The following PTBP2 variants were observed in gnomAD, a reference collection of about 807,000 sequenced individuals.
PTBP2 encodes the protein polypyrimidine tract-binding protein 2.
A neutral mutation model predicts 61.4 loss-of-function variants in PTBP2; 13 were observed. The observed-to-expected ratio is 0.21, with a 90% CI of 0.14 to 0.34. The LOEUF (loss-of-function observed/expected upper bound fraction) is 0.34, where lower values mean the gene tolerates loss of function less well. PTBP2 is among the 10% of genes least tolerant of loss of function. The probability of loss-of-function intolerance (pLI) is 1.00; values close to 1 mark genes in which losing one functional copy is unlikely to be tolerated. For missense variants in PTBP2, 405 were observed against 642.6 expected (o/e 0.63, Z 4.00); for synonymous variants, 215 against 218.5 (o/e 0.98, Z 0.14).
At chr1:96,775,230 G>T (rs962489217) in intron 5 of PTBP2, among the ~76,000 whole-genome samples, 1 of 152,096 alleles carries the variant, frequency 6.6e-6, no homozygotes, top group Non-Finnish European at 1.5e-5. Flanking sequence ...TTGAAAACTC[G>T]AAATATCTAC....
chr1:96,765,150 A>G (rs1192150051), intron 3 of PTBP2, among the ~76,000 whole-genome samples: 1 of 151,304 alleles, frequency 6.6e-6, no homozygotes, highest in Non-Finnish European at 1.5e-5. Context: ...TTGTTTTTCT[A>G]AAGCTAGAAA....
At chr1:96,773,113 G>A (rs575020276) in intron 5 of PTBP2, among the ~76,000 whole-genome samples, 4 of 117,330 alleles carry the variant, frequency 3.4e-5, no homozygotes, top group Non-Finnish European at 6.6e-5. Flanking sequence ...GACAGAGCGA[G>A]ACTCTATCTC....
intron 8 of PTBP2, among the ~76,000 whole-genome samples, chr1:96,791,557 T>C (rs1659793107): frequency 6.6e-6 from 1 of 152,148 alleles, no homozygotes; most frequent in Admixed American, 6.5e-5. Context: ...GGCCATTAAG[T>C]AGACTTTTCT....
intron 9 of PTBP2, 40 bp from the exon 10 acceptor site, chr1:96,806,379 C>A (rs1276942520): frequency 6.8e-7 from 1 of 1,463,658 alleles, no homozygotes; most frequent in Admixed American, 1.7e-5. Context: ...ACTCTTCTCT[C>A]TTCTTGTCTT....
At chr1:96,797,251 T>TA (rs2101134136) in intron 8 of PTBP2, among the ~76,000 whole-genome samples, 1 of 152,294 alleles carries the variant, frequency 6.6e-6, no homozygotes, top group East Asian at 1.9e-4. Context: ...TCCTTATTCT[T>TA]ACCTTTGGAG....
intron 8 of PTBP2, among the ~76,000 whole-genome samples, chr1:96,792,646 A>C (rs1442790488): frequency 1.3e-5 from 2 of 152,144 alleles, no homozygotes; most frequent in Non-Finnish European, 2.9e-5. Context: ...TTAAGTATTT[A>C]GCCTGATTAT....
At chr1:96,801,861 CAAAA>C (rs397861502) in intron 8 of PTBP2, among the ~76,000 whole-genome samples, 4 of 75,502 alleles carry the variant, frequency 5.3e-5, no homozygotes, top group African/African-American at 1.3e-4. Flanking sequence ...GACTCCATCT[CAAAA>C]AAAAAAAAAA....
intron 7 of PTBP2, among the ~76,000 whole-genome samples, chr1:96,778,991 G>A (rs1333214886): frequency 6.6e-6 from 1 of 152,022 alleles, no homozygotes; most frequent in African/African-American, 2.4e-5. Flanking sequence ...ACAAAACAGG[G>A]TTTTCCCCTG....
chr1:96,750,717 A>G (rs1049339441), intron 2 of PTBP2, among the ~76,000 whole-genome samples: 3 of 152,104 alleles, frequency 2.0e-5, no homozygotes, highest in African/African-American at 7.2e-5. Flanking sequence ...GTAAATATCC[A>G]TAACTAAGGC....
At chr1:96,808,307 T>G (rs1426354739) in intron 11 of PTBP2, among the ~76,000 whole-genome samples, 1 of 152,092 alleles carries the variant, frequency 6.6e-6, no homozygotes, top group Non-Finnish European at 1.5e-5. Flanking sequence ...AATAAAACTT[T>G]GGGGTCTAGA....
At chr1:96,807,936 G>A (rs893746125) in intron 11 of PTBP2, among the ~76,000 whole-genome samples, 10 of 152,130 alleles carry the variant, frequency 6.6e-5, no homozygotes, top group African/African-American at 2.4e-4. Flanking sequence ...CTCTTTCTCT[G>A]TGTGCACTTC....
At chr1:96,748,923 C>T (rs947640657) in intron 2 of PTBP2, among the ~76,000 whole-genome samples, 2 of 152,112 alleles carry the variant, frequency 1.3e-5, no homozygotes, top group Non-Finnish European at 2.9e-5. Context: ...AATGCAAAGA[C>T]AGGCATAATT....
chr1:96,786,639 G>A (rs7532482), intron 8 of PTBP2, among the ~76,000 whole-genome samples: 6,829 of 152,156 alleles, frequency 0.045, 477 homozygotes, highest in African/African-American at 0.15. Context: ...TAGCTTCTAG[G>A]TCATATTCAT....
exon 14 of PTBP2, chr1:96,822,633 A>G (rs1557791227): frequency 1.3e-5 from 2 of 152,222 alleles, no homozygotes; most frequent in African/African-American, 2.4e-5. Context: ...AATCATACAA[A>G]TAAGTTAAAC....
rs143803681 is a variant in PTBP2, at chr1:96,777,544, A to G, written c.433-41A>G. The G allele has an allele frequency of 1.2e-4, 189 of 1,554,602 alleles. No homozygotes were observed. The African/African-American group carries it at 2.1e-3, about 17-fold the overall frequency. ...GTAACAGGTTGCAAAGTATGTGACA[A>G]TAATGGGTATGTTTCTAAACTACAT... On this transcript the variant is annotated intron_variant, in intron 5 of 13. Transcript: ENST00000674951.
At chr1:96,722,135 C>T (rs1446861934) in intron 1 of PTBP2, among the ~76,000 whole-genome samples, 1 of 152,096 alleles carries the variant, frequency 6.6e-6, no homozygotes, top group Non-Finnish European at 1.5e-5. Flanking sequence ...GGAGCGGGCA[C>T]CGGCTTGGCG....
chr1:96,820,603 G>T (rs925466266), exon 14 of PTBP2: 10 of 151,220 alleles, frequency 6.6e-5, no homozygotes, highest in Admixed American at 6.6e-5. Flanking sequence ...TCCATATCTG[G>T]TGCTAATAAC....
At chr1:96,806,595 C>A in intron 10 of PTBP2, 143 bp downstream of exon 10, 1 of 948,048 alleles carries the variant, frequency 1.1e-6, no homozygotes, top group Non-Finnish European at 1.6e-6. Flanking sequence ...TCTCCATAGA[C>A]ACAAAATTTG....
chr1:96,743,098 AAC>A (rs973941572), intron 2 of PTBP2, among the ~76,000 whole-genome samples: 3 of 151,962 alleles, frequency 2.0e-5, no homozygotes, highest in Non-Finnish European at 4.4e-5. Context: ...CATTTTGGCT[AAC>A]ACAGTGAAAA....
Sources: gnomAD v4.1 joint callset for allele counts (sites outside exome capture counted in the v4.1 genomes callset) on GRCh38, gnomAD v4.1.1 for gene constraint, MANE v1.5 for transcripts, NCBI Gene and HGNC (gene_info 2026-07-23, HGNC 2026-07-21) for gene names.